The following ZNF493 variants were observed in gnomAD, a reference collection of about 807,000 sequenced individuals.
ZNF493 encodes zinc finger protein 493.
Under a neutral mutation model 12.2 loss-of-function variants are expected in ZNF493, and 11 were observed. That is an observed-to-expected ratio of 0.90 (90% CI 0.57 to 1.50). The LOEUF (loss-of-function observed/expected upper bound fraction) is 1.50, where lower values mean the gene tolerates loss of function less well. Ranked by LOEUF, ZNF493 falls within the 40% of genes most tolerant of loss-of-function variation. The pLI, the probability that ZNF493 is intolerant of heterozygous loss-of-function variation, is 0.00. For missense variants in ZNF493, 950 were observed against 906.6 expected (o/e 1.05, Z -0.61); for synonymous variants, 286 against 302.6 (o/e 0.95, Z 0.57).
At chr19:21,402,855 C>T (rs1276953283) in intron 1 of ZNF493, among the ~76,000 whole-genome samples, 1 of 152,182 alleles carries the variant, frequency 6.6e-6, no homozygotes, top group African/African-American at 2.4e-5. Flanking sequence ...AGAGCTATGA[C>T]CACAACTATA....
intron 3 of ZNF493, among the ~76,000 whole-genome samples, chr19:21,417,250 G>T (rs903518726): frequency 6.6e-6 from 1 of 151,864 alleles, no homozygotes; most frequent in East Asian, 1.9e-4. Flanking sequence ...TTCTTTTTTA[G>T]TATGACCATG....
intron 3 of ZNF493, chr19:21,413,755 ATC>A: frequency 3.3e-6 from 1 of 303,120 alleles, no homozygotes; most frequent in Non-Finnish European, 6.0e-6. Context: ...TTGTTATTGG[ATC>A]TCTCCACCAA....
At chr19:21,418,135 CT>C (rs2030550051) in intron 3 of ZNF493, among the ~76,000 whole-genome samples, 1 of 152,160 alleles carries the variant, frequency 6.6e-6, no homozygotes, top group Non-Finnish European at 1.5e-5. Flanking sequence ...GGGGCAACTA[CT>C]TTTCACCCAG....
At chr19:21,420,610 TATATATATATATA>T (rs1398618627) in intron 3 of ZNF493, among the ~76,000 whole-genome samples, 10 of 18,520 alleles carry the variant, frequency 5.4e-4, no homozygotes, top group African/African-American at 1.4e-3. Flanking sequence ...TATATATATA[TATATATATATATA>T]TTTTTTTTTT....
chr19:21,422,812 A>G lies in ZNF493; in HGVS notation c.254-101A>G, dbSNP rs1041061599. 5.7e-6 allele frequency: 6 copies of G among 1,053,682 alleles called. No homozygotes were observed. The African/African-American group carries it at 8.1e-5, about 14-fold the overall frequency. 65.3% of individuals were successfully genotyped at this position (1,053,682 alleles called of 1,614,324 possible). Reference sequence around the variant, plus strand: ...AGAGCCTTTGGTATTTTGCTATGCTATCTGGTTTATGCAGTTTGTATAATA... The same window carrying G: ...AGAGCCTTTGGTATTTTGCTATGCTGTCTGGTTTATGCAGTTTGTATAATA... On this transcript the variant is annotated intron_variant, in intron 3 of 3. Transcript: ENST00000392288.
rs1454697853 is a variant in ZNF493, at chr19:21,405,145, G to A, written c.47G>A (p.Arg16Lys). 1 of 1,613,784 alleles carries A rather than the reference G, an allele frequency of 6.2e-7. No individual in the cohort carries two copies. The highest frequency in any genetic ancestry group is 8.5e-7 in the Non-Finnish European group (1 of 1,179,908). Residue 16 changes from arginine to lysine, a missense_variant, in exon 2 of 4, where the codon AGG becomes AAG. Transcript: ENST00000392288. ...ESLDMGPLTF[R>K]DVAIEFSLEE... is the part of the protein sequence containing the mutation. ...TTGTTTCAGGGGCCGTTGACATTTA[G>A]GGATGTGGCCATAGAATTCTCTCTG...
intron 3 of ZNF493, chr19:21,408,341 C>T (rs2030206438): frequency 2.8e-6 from 2 of 724,138 alleles, no homozygotes; most frequent in South Asian, 6.3e-5. Flanking sequence ...GTTGGCTAAG[C>T]TGGGTCTCGA....
chr19:21,406,561 CTT>C (rs1170161415), intron 3 of ZNF493, among the ~76,000 whole-genome samples: 5 of 152,212 alleles, frequency 3.3e-5, no homozygotes, highest in African/African-American at 1.2e-4. Flanking sequence ...TTTTGAGAAA[CTT>C]TATGTTAAAC....
At chr19:21,405,294 A>G in intron 2 of ZNF493, 39 bp downstream of exon 2, 6 of 1,579,070 alleles carry the variant, frequency 3.8e-6, no homozygotes, top group Non-Finnish European at 5.1e-6. Context: ...TATATACCCT[A>G]AAGTTTTCAT....
intron 3 of ZNF493, chr19:21,408,296 T>G: frequency 1.7e-6 from 1 of 600,826 alleles, no homozygotes; most frequent in Non-Finnish European, 2.1e-6. Flanking sequence ...CAGCTAATTT[T>G]TTGTGTGTTT....
chr19:21,424,927 T>C lies in ZNF493; in HGVS notation c.2268T>C (p.Leu756=). The change falls in exon 4 of 4, where the codon CTT becomes CTC. Residue 756 remains leucine (L), a synonymous_variant. Coordinates refer to ENST00000392288, the MANE Select transcript of ZNF493 (RefSeq NM_001076678.3). Reference sequence around the variant, plus strand: ...AAGCTTTTAGGCGGTCTTCACATCTTAGTAGACATAAGATAATTCATATTG... The same window carrying C: ...AAGCTTTTAGGCGGTCTTCACATCTCAGTAGACATAAGATAATTCATATTG... The part of the protein sequence containing the change: ...CGKAFRRSSH[L]SRHKIIHIGI... 6.2e-7 allele frequency: 1 copy of C among 1,609,872 alleles called. No individual in the cohort carries two copies. The highest frequency in any genetic ancestry group is 1.1e-5 in the South Asian group (1 of 90,562).
chr19:21,425,452 G>T lies in ZNF493; in HGVS notation c.*468G>T. Reference sequence around the variant, plus strand: ...GATAAATTATACAAATGTGAAGAATGTGGCAAAGCTTTTAACAAATCCTCA... The same window carrying T: ...GATAAATTATACAAATGTGAAGAATTTGGCAAAGCTTTTAACAAATCCTCA... On this transcript the variant is annotated 3_prime_UTR_variant, in exon 4 of 4. Coordinates refer to ENST00000392288, the MANE Select transcript of ZNF493 (RefSeq NM_001076678.3). 2.2e-6 allele frequency: 1 copy of T among 463,336 alleles called. No individual in the cohort carries two copies. The highest frequency in any genetic ancestry group is 4.2e-6 in the Non-Finnish European group (1 of 236,744). 28.7% of individuals were successfully genotyped at this position (463,336 alleles called of 1,614,324 possible). A position where few individuals can be genotyped will look rare whatever the true frequency, so the allele number is the denominator to read the frequency against.
At chr19:21,422,123 C>T (rs915364512) in intron 3 of ZNF493, among the ~76,000 whole-genome samples, 1 of 152,074 alleles carries the variant, frequency 6.6e-6, no homozygotes, top group African/African-American at 2.4e-5. Flanking sequence ...GGATTATGTG[C>T]ATGAGCCACT....
At chr19:21,402,572 G>T (rs1183994895) in intron 1 of ZNF493, among the ~76,000 whole-genome samples, 2 of 152,022 alleles carry the variant, frequency 1.3e-5, no homozygotes, top group African/African-American at 4.8e-5. Context: ...CTGCACATAG[G>T]GTCAGGCCTC....
chr19:21,413,643 G>T (rs571229010), intron 3 of ZNF493: 2 of 415,078 alleles, frequency 4.8e-6, no homozygotes, highest in East Asian at 7.1e-5. Context: ...TCATGATAAA[G>T]TTTCAGGTAT....
At chr19:21,407,296 A>ATT (rs200534742) in intron 3 of ZNF493, among the ~76,000 whole-genome samples, 1 of 149,252 alleles carries the variant, frequency 6.7e-6, no homozygotes, top group African/African-American at 2.5e-5. Flanking sequence ...TATTATTATT[A>ATT]TTTTTTTTTT....
chr19:21,401,217 G>C (rs548380315), intron 1 of ZNF493, among the ~76,000 whole-genome samples: 1 of 152,038 alleles, frequency 6.6e-6, no homozygotes, highest in African/African-American at 2.4e-5. Context: ...ATAACCCTGT[G>C]GTTTTTGTCT....
chr19:21,399,318 G>T (rs1341301353), intron 1 of ZNF493, among the ~76,000 whole-genome samples: 1 of 151,872 alleles, frequency 6.6e-6, no homozygotes, highest in Non-Finnish European at 1.5e-5. Flanking sequence ...CTGACACCAT[G>T]CCCGGCTAAT....
chr19:21,404,226 T>G (rs1477110015), intron 1 of ZNF493, among the ~76,000 whole-genome samples: 2 of 152,216 alleles, frequency 1.3e-5, no homozygotes, highest in African/African-American at 4.8e-5. Flanking sequence ...AGAAGATATC[T>G]GCATTTTGAA....
Sources: gnomAD v4.1 joint callset for allele counts (sites outside exome capture counted in the v4.1 genomes callset) on GRCh38, gnomAD v4.1.1 for gene constraint, MANE v1.5 for transcripts, NCBI Gene and HGNC (gene_info 2026-07-23, HGNC 2026-07-21) for gene names.